Variants in USB1 observed in about 807,000 individuals in gnomAD.
USB1 encodes U6 snRNA biogenesis phosphodiesterase 1, also known as U6 snRNA phosphodiesterase 1.
USB1 carries 21 observed loss-of-function variants against 29.9 expected under a neutral mutation model. The ratio of observed to expected loss-of-function variants is 0.70; its 90% CI spans 0.50 to 1.01. The LOEUF is 1.01. Among genes scored for constraint, USB1 ranks in the 50% least tolerant of loss-of-function variants. The pLI, the probability that USB1 is intolerant of heterozygous loss-of-function variation, is 0.00. For missense variants in USB1, 330 were observed against 347.1 expected (o/e 0.95, Z 0.39); for synonymous variants, 143 against 134.9 (o/e 1.06, Z -0.42).
chr16:58,011,363 C>T (rs1190213151), intron 3 of USB1: 1 of 1,238,832 alleles, frequency 8.1e-7, no homozygotes, highest in Non-Finnish European at 1.0e-6. Flanking sequence ...CCAGACCCCA[C>T]TTCTGGTTTT....
At chr16:58,002,232 G>A (rs537848143) in intron 1 of USB1, among the ~76,000 whole-genome samples, 17 of 152,324 alleles carry the variant, frequency 1.1e-4, no homozygotes, top group African/African-American at 3.8e-4. Context: ...GCTTGGAAAT[G>A]TGACCCCTGA....
chr16:57,999,745 C>G (rs1196341798), upstream of USB1: 2 of 152,376 alleles, frequency 1.3e-5, no homozygotes, highest in Non-Finnish European at 2.9e-5. Context: ...AGGAGAGGAG[C>G]GGCTGCTCTG....
chr16:58,018,967 C>T lies in USB1; in HGVS notation c.610-5C>T. On this transcript the variant is annotated splice_region_variant and splice_polypyrimidine_tract_variant and intron_variant, in intron 5 of 6. Transcript: ENST00000219281. ...TGACTGCCTGCCTCTCGTTTCCCTC[C>T]CCAGGATCCTTCTTTCCACCTCAGC... 1 of 1,614,160 alleles carries T rather than the reference C, an allele frequency of 6.2e-7. No homozygotes were observed. Among genetic ancestry groups the T allele is most frequent in the African/African-American group, 1.3e-5 (1 of 75,054 alleles).
Position 58,020,232 on chromosome 16 carries a change from T to C in USB1, c.785T>C (p.Met262Thr), listed in dbSNP as rs1207372145. ...AAGTCTGGGAACAAGTTCTTCTCGA[T>C]GCCTTTGAAGTGAGCACCAGAGGCC... ...RCKSGNKFFSMPLK is the reference protein window; with the variant it reads ...RCKSGNKFFSTPLK The change falls in exon 7 of 7, where the codon ATG becomes ACG. Residue 262 changes from methionine to threonine, a missense_variant. Transcript: ENST00000219281. 3.1e-6 allele frequency: 5 copies of C among 1,614,212 alleles called. No individual in the cohort carries two copies. Among genetic ancestry groups the C allele is most frequent in the Admixed American group, 1.7e-5 (1 of 60,030 alleles).
At chr16:58,002,724 C>A in intron 2 of USB1, 79 bp downstream of exon 2, 1 of 1,590,846 alleles carries the variant, frequency 6.3e-7, no homozygotes, top group East Asian at 2.3e-5. Context: ...CTGGCCCCAA[C>A]TAGAAGGAAG....
chr16:58,010,935 A>AGCTT, intron 3 of USB1: 1 of 697,198 alleles, frequency 1.4e-6, no homozygotes, highest in Non-Finnish European at 2.6e-6. Flanking sequence ...CTCAGTCTCT[A>AGCTT]GCTTCCCTCC....
At position 58,010,933 on chromosome 16, in the gene USB1, C is replaced by G. The variant is rs1963478173; in HGVS notation, c.449+821C>G. 5 of 697,638 alleles carry G rather than the reference C, an allele frequency of 7.2e-6. No homozygotes were observed. The South Asian group carries it at 7.4e-5, about 10-fold the overall frequency. The allele number at this position is 697,638 out of a possible 1,614,324, so 43.2% of individuals were successfully genotyped here. ...GCATGATGGATTATTAACTCAGTCT[C>G]TAGCTTCCCTCCCATACCGGGAGGG... On this transcript the variant is annotated intron_variant, in intron 3 of 6. Coordinates refer to ENST00000219281, the MANE Select transcript of USB1 (RefSeq NM_024598.4).
At position 58,013,179 on chromosome 16, in the gene USB1, G is replaced by A. The variant is rs1963538310; in HGVS notation, c.450-1094G>A. 5 of 985,382 alleles carry A rather than the reference G, an allele frequency of 5.1e-6. No individual in the cohort carries two copies. In the South Asian group the frequency reaches 2.3e-4, roughly 46 times the overall value. The allele number at this position is 985,382 out of a possible 1,614,324, so 61.0% of individuals were successfully genotyped here. On this transcript the variant is annotated intron_variant, in intron 3 of 6. Coordinates refer to ENST00000219281, the MANE Select transcript of USB1 (RefSeq NM_024598.4). The surrounding 1 kb of genome is among the most constrained non-coding windows in gnomAD (Gnocchi z 4.3). ...GGCCAGGCCTGGGCAGCCTGCCTCT[G>A]GAGTAGGGGTGGAGAGCCATCCTGC...
At position 58,017,275 on chromosome 16, in the gene USB1, G is replaced by A. The variant is rs571380832; in HGVS notation, c.504-59G>A. On this transcript the variant is annotated intron_variant, in intron 4 of 6. Coordinates refer to ENST00000219281, the MANE Select transcript of USB1 (RefSeq NM_024598.4). ...TTCTGCCTGGCTCCTGCTCGGCTGC[G>A]CAGATGGCTGTGTTCTCAGAGGCTA... 8.8e-5 allele frequency: 133 copies of A among 1,518,642 alleles called. No homozygotes were observed. In the Admixed American group the frequency reaches 2.1e-3, roughly 24 times the overall value. 94.1% of individuals were successfully genotyped at this position (1,518,642 alleles called of 1,614,324 possible).
intron 4 of USB1, among the ~76,000 whole-genome samples, chr16:58,014,814 C>T (rs1460054163): frequency 4.6e-5 from 7 of 151,720 alleles, no homozygotes; most frequent in Non-Finnish European, 2.9e-5. Flanking sequence ...CGGTGGCTCA[C>T]GCTTGTAATC....
chr16:58,020,805 G>A lies in USB1; in HGVS notation c.*560G>A, dbSNP rs191811468. 83 of 177,268 alleles carry A rather than the reference G, an allele frequency of 4.7e-4. 1 individual carries two copies. 11.0% of individuals were successfully genotyped at this position (177,268 alleles called of 1,614,324 possible). On this transcript the variant is annotated 3_prime_UTR_variant, in exon 7 of 7. Transcript: ENST00000219281. ...TCTCCTGTCTCGGCTGTTGTGGGTT[G>A]CAGGTTGGGTGCTGCTGTTGTGGTC... is the stretch of plus-strand genomic sequence containing the variant.
Position 58,017,425 on chromosome 16 carries a change from A to C in USB1, c.595A>C (p.Thr199Pro). 3 of 1,613,984 alleles carry C rather than the reference A, an allele frequency of 1.9e-6. No homozygotes were observed. The highest frequency in any genetic ancestry group is 2.5e-6 in the Non-Finnish European group (3 of 1,179,798). Residue 199 changes from threonine to proline, a missense_variant, in exon 5 of 7, where the codon ACC becomes CCC. Physicochemically the swap from Thr to Pro is conservative, Grantham distance 38. Coordinates refer to ENST00000219281, the MANE Select transcript of USB1 (RefSeq NM_024598.4). ...VDRVMEEFNL[T>P]TFYQDPSFHL... Reference sequence around the variant, plus strand: ...CAGAGTCATGGAGGAATTCAACCTCACCACTTTCTACCAGGTAATGAATGG... The same window carrying C: ...CAGAGTCATGGAGGAATTCAACCTCCCCACTTTCTACCAGGTAATGAATGG...
Position 58,010,048 on chromosome 16 carries a change from C to T in USB1, c.385C>T (p.Leu129=), listed in dbSNP as rs1430906489. 2 of 1,614,168 alleles carry T rather than the reference C, an allele frequency of 1.2e-6. No homozygotes were observed. The highest frequency in any genetic ancestry group is 1.7e-6 in the Non-Finnish European group (2 of 1,180,034). Residue 129 remains leucine (L), a synonymous_variant, in exon 3 of 7, where the codon CTG becomes TTG. Transcript: ENST00000219281. ...FHLSLSQSVV[L]RHHWILPFVQ... is the part of the protein sequence containing the mutation. ...CCTCAGCCTGTCCCAGAGTGTGGTT[C>T]TGCGCCACCACTGGATCCTCCCCTT...
At chr16:58,011,094 G>A in intron 3 of USB1, 3 of 1,006,134 alleles carry the variant, frequency 3.0e-6, no homozygotes, top group South Asian at 2.7e-5. Context: ...GGATTTAGGA[G>A]CTCTGCGTCA....
chr16:58,012,746 G>A, intron 3 of USB1: 1 of 1,056,576 alleles, frequency 9.5e-7, no homozygotes, highest in Non-Finnish European at 1.1e-6. Context: ...GAGGAGAGCG[G>A]CTATGTTAGT....
chr16:58,011,633 T>A, intron 3 of USB1: 2 of 988,538 alleles, frequency 2.0e-6, no homozygotes, highest in Non-Finnish European at 2.4e-6. Flanking sequence ...CGTCCAGAGA[T>A]CAGTTGGCCC....
intron 5 of USB1, among the ~76,000 whole-genome samples, chr16:58,018,249 CAG>C (rs1156979787): frequency 7.5e-6 from 1 of 134,150 alleles, no homozygotes; most frequent in African/African-American, 2.8e-5. Context: ...TTTTTGGAGA[CAG>C]AGTCTTACTC....
chr16:58,020,433 T>C lies in USB1; in HGVS notation c.*188T>C. On this transcript the variant is annotated 3_prime_UTR_variant, in exon 7 of 7. Coordinates refer to ENST00000219281, the MANE Select transcript of USB1 (RefSeq NM_024598.4). ...TATTCTCTCTCTCTCTTTCTCTTCC[T>C]CTTCTTTCTCTCTCTTCTCCTCTCT... 1 of 638,488 alleles carries C rather than the reference T, an allele frequency of 1.6e-6. No homozygotes were observed. The highest frequency in any genetic ancestry group is 2.8e-6 in the Non-Finnish European group (1 of 353,696). The allele number at this position is 638,488 out of a possible 1,614,324, so 39.6% of individuals were successfully genotyped here.
intron 6 of USB1, among the ~76,000 whole-genome samples, chr16:58,019,388 T>C (rs1408819286): frequency 6.6e-6 from 1 of 152,116 alleles, no homozygotes; most frequent in Non-Finnish European, 1.5e-5. Flanking sequence ...GCGAGGAGGC[T>C]GCAGGCTTTC....
Sources: allele counts gnomAD v4.1 joint callset (sites outside exome capture counted in the v4.1 genomes callset), GRCh38; gene constraint gnomAD v4.1.1; non-coding constraint Gnocchi (gnomAD v3.1); transcripts MANE v1.5; gene names NCBI Gene and HGNC (gene_info 2026-07-23, HGNC 2026-07-21).